The following GPC6 variants were observed in gnomAD, a reference collection of about 807,000 sequenced individuals.
GPC6 encodes glypican 6, also known as glypican-6.
A neutral mutation model predicts 55.2 loss-of-function variants in GPC6; 14 were observed. The ratio of observed to expected loss-of-function variants is 0.25; its 90% CI spans 0.17 to 0.40. The LOEUF (loss-of-function observed/expected upper bound fraction) is 0.40, where lower values mean the gene tolerates loss of function less well. Among genes scored for constraint, GPC6 ranks in the 10% least tolerant of loss-of-function variants. GPC6 has a pLI of 1.00. For missense variants in GPC6, 641 were observed against 708.5 expected (o/e 0.90, Z 1.08); for synonymous variants, 278 against 259.6 (o/e 1.07, Z -0.68).
At chr13:93,865,070 G>A (rs1888920110) in intron 3 of GPC6, among the ~76,000 whole-genome samples, 1 of 151,638 alleles carries the variant, frequency 6.6e-6, no homozygotes, top group Non-Finnish European at 1.5e-5. Flanking sequence ...CAATTGGATT[G>A]CAGTGGGTGA....
chr13:93,579,292 A>G (rs1427523366), intron 2 of GPC6, among the ~76,000 whole-genome samples: 1 of 152,112 alleles, frequency 6.6e-6, no homozygotes, highest in Non-Finnish European at 1.5e-5. Flanking sequence ...AAGGTGATGG[A>G]TATGCCAATT....
chr13:93,588,382 G>C, intron 2 of GPC6, among the ~76,000 whole-genome samples: 1 of 21,618 alleles, frequency 4.6e-5, no homozygotes, highest in Admixed American at 1.1e-3. Flanking sequence ...GTGTGTGTGT[G>C]TGTGTGTGTG....
chr13:93,624,581 A>G (rs1477732833), intron 2 of GPC6, among the ~76,000 whole-genome samples: 1 of 152,228 alleles, frequency 6.6e-6, no homozygotes, highest in Non-Finnish European at 1.5e-5. Context: ...TCTTTTAGAA[A>G]ACGAAACAAA....
chr13:93,496,128 T>A (rs112488946), intron 1 of GPC6, among the ~76,000 whole-genome samples: 1 of 152,292 alleles, frequency 6.6e-6, no homozygotes, highest in East Asian at 1.9e-4. Context: ...CCAGCCTTGC[T>A]GCCTCCTTGC....
At chr13:93,873,486 T>A (rs1391572681) in intron 3 of GPC6, among the ~76,000 whole-genome samples, 1 of 151,874 alleles carries the variant, frequency 6.6e-6, no homozygotes, top group African/African-American at 2.4e-5. Context: ...TTTGACAATA[T>A]CTGGAAGCCT....
intron 7 of GPC6, among the ~76,000 whole-genome samples, chr13:94,388,249 C>T (rs1368988302): frequency 1.3e-5 from 2 of 152,120 alleles, no homozygotes; most frequent in Non-Finnish European, 2.9e-5. Context: ...GAGCATGTTG[C>T]AATTTTGGGG....
rs533796750 is a variant in GPC6, at chr13:93,497,082, G to A, written c.161-48181G>A. 5.5e-4 allele frequency among the ~76,000 whole-genome samples: 84 copies of A among 152,272 alleles called. 1 individual carries two copies. Among genetic ancestry groups the A allele is most frequent in the Middle Eastern group, 6.8e-3 (2 of 294 alleles). On this transcript the variant is annotated intron_variant, in intron 1 of 8. Transcript: ENST00000377047. ...ATGACACTGATGCCCTCGTGCTGCT[G>A]CAGCCTGACTCTCTATGGTTGATTC...
intron 1 of GPC6, among the ~76,000 whole-genome samples, chr13:93,445,786 G>GA (rs1425863406): frequency 1.3e-5 from 2 of 152,114 alleles, no homozygotes; most frequent in Admixed American, 1.3e-4. Flanking sequence ...ATGAATGATG[G>GA]AAAAATCAAA....
intron 3 of GPC6, among the ~76,000 whole-genome samples, chr13:93,977,617 A>G (rs935296410): frequency 6.6e-5 from 10 of 152,068 alleles, no homozygotes; most frequent in Non-Finnish European, 1.3e-4. Flanking sequence ...TGATATTAGC[A>G]GATTTACTGT....
chr13:93,976,538 G>A (rs993790894), intron 3 of GPC6, among the ~76,000 whole-genome samples: 6 of 151,456 alleles, frequency 4.0e-5, no homozygotes, highest in African/African-American at 1.5e-4. Flanking sequence ...TGTATAAAGG[G>A]ATGTTACAGC....
At chr13:93,556,842 A>G (rs996252481) in intron 2 of GPC6, among the ~76,000 whole-genome samples, 14 of 152,164 alleles carry the variant, frequency 9.2e-5, no homozygotes, top group Non-Finnish European at 1.9e-4. Flanking sequence ...CACTGAACAT[A>G]ATGATCTTCA....
intron 5 of GPC6, among the ~76,000 whole-genome samples, chr13:94,305,018 T>C (rs1171742449): frequency 6.6e-6 from 1 of 152,242 alleles, no homozygotes; most frequent in African/African-American, 2.4e-5. Flanking sequence ...TAATTTGTCA[T>C]GATAACAGGA....
At chr13:94,340,199 T>C (rs1392530025) in intron 6 of GPC6, among the ~76,000 whole-genome samples, 1 of 152,202 alleles carries the variant, frequency 6.6e-6, no homozygotes, top group Non-Finnish European at 1.5e-5. Flanking sequence ...TTAAAACTCC[T>C]GGTAATAGCA....
chr13:94,192,405 A>G (rs1889424517), intron 4 of GPC6, among the ~76,000 whole-genome samples: 1 of 152,150 alleles, frequency 6.6e-6, no homozygotes, highest in Admixed American at 6.5e-5. Context: ...GTGGCTCCTC[A>G]TTTTTATATG....
intron 4 of GPC6, among the ~76,000 whole-genome samples, chr13:94,080,317 A>G (rs1207347108): frequency 6.6e-6 from 1 of 152,228 alleles, no homozygotes; most frequent in African/African-American, 2.4e-5. Flanking sequence ...TTAAAAGCTG[A>G]GAATTTGAAG....
intron 4 of GPC6, among the ~76,000 whole-genome samples, chr13:94,059,687 G>C (rs1373252311): frequency 6.6e-6 from 1 of 151,824 alleles, no homozygotes. Flanking sequence ...TTGTTGTCTT[G>C]TGAAGGCCCG....
At chr13:93,895,910 G>A (rs1285548494) in intron 3 of GPC6, among the ~76,000 whole-genome samples, 8 of 152,006 alleles carry the variant, frequency 5.3e-5, no homozygotes, top group Admixed American at 3.3e-4. Flanking sequence ...GGAATACAGC[G>A]GGGTTGGTTT....
chr13:93,900,965 T>A (rs1166235133), intron 3 of GPC6, among the ~76,000 whole-genome samples: 2 of 152,176 alleles, frequency 1.3e-5, no homozygotes, highest in Non-Finnish European at 2.9e-5. Flanking sequence ...TCTATCCAGT[T>A]CTTGGTCACA....
At chr13:93,773,914 G>A (rs138644148) in intron 2 of GPC6, among the ~76,000 whole-genome samples, 26 of 152,220 alleles carry the variant, frequency 1.7e-4, no homozygotes, top group African/African-American at 4.6e-4. Flanking sequence ...ATAGCAGTAC[G>A]TAGTGCCCAA....
Sources: allele counts gnomAD v4.1 joint callset (sites outside exome capture counted in the v4.1 genomes callset), GRCh38; gene constraint gnomAD v4.1.1; transcripts MANE v1.5; gene names NCBI Gene and HGNC (gene_info 2026-07-23, HGNC 2026-07-21).